The following ARHGAP39 variants were observed in gnomAD, a reference collection of about 807,000 sequenced individuals.
The protein encoded by ARHGAP39 is rho GTPase-activating protein 39.
A neutral mutation model predicts 106.9 loss-of-function variants in ARHGAP39; 44 were observed. The observed-to-expected ratio is 0.41, with a 90% CI of 0.32 to 0.53. The LOEUF (loss-of-function observed/expected upper bound fraction) is 0.53. ARHGAP39 is among the 20% of genes least tolerant of loss of function. The probability of loss-of-function intolerance (pLI) is 0.21; values close to 1 mark genes in which losing one functional copy is unlikely to be tolerated. For synonymous variants in ARHGAP39, 768 were observed against 693.2 expected, an observed-to-expected ratio of 1.11 and a Z score of -1.69; for missense variants, 1,496 against 1,577.3, an observed-to-expected ratio of 0.95 and a Z score of 0.87.
At chr8:144,617,594 A>G (rs565579101) in intron 1 of ARHGAP39, among the ~76,000 whole-genome samples, 2 of 152,234 alleles carry the variant, frequency 1.3e-5, no homozygotes, top group South Asian at 4.1e-4. Context: ...ACAAAAAAAA[A>G]AAAAAAAGGC....
At chr8:144,657,245 T>C (rs1821719637) in intron 1 of ARHGAP39, among the ~76,000 whole-genome samples, 1 of 149,162 alleles carries the variant, frequency 6.7e-6, no homozygotes, top group Admixed American at 6.7e-5. Flanking sequence ...TAAAACAATA[T>C]TAATAAAAGA....
At chr8:144,699,788 A>C in the ARHGAP39 span, among the ~76,000 whole-genome samples, 52 of 152,134 alleles carry the variant, frequency 3.4e-4, no homozygotes, top group African/African-American at 1.2e-3. Context: ...AAATCCATCA[A>C]GGTCCTCTGT....
chr8:144,648,326 A>T (rs1821493901), intron 1 of ARHGAP39, among the ~76,000 whole-genome samples: 1 of 152,242 alleles, frequency 6.6e-6, no homozygotes, highest in African/African-American at 2.4e-5. Context: ...ACCAGGAGAG[A>T]GGATCATATA....
intron 1 of ARHGAP39, among the ~76,000 whole-genome samples, chr8:144,620,567 G>A (rs1376280688): frequency 1.3e-5 from 2 of 152,216 alleles, no homozygotes; most frequent in African/African-American, 2.4e-5. Context: ...GTGAGCTTGT[G>A]TGTCCATGAG....
chr8:144,588,695 T>A (rs1819273438), intron 2 of ARHGAP39, among the ~76,000 whole-genome samples: 1 of 152,108 alleles, frequency 6.6e-6, no homozygotes, highest in South Asian at 2.1e-4. Flanking sequence ...CCAGCGAGGG[T>A]CAGACTCACA....
intron 1 of ARHGAP39, among the ~76,000 whole-genome samples, chr8:144,628,142 C>T (rs984649958): frequency 1.3e-5 from 2 of 152,164 alleles, no homozygotes; most frequent in Admixed American, 6.5e-5. Flanking sequence ...GATGTTGGCC[C>T]CACACAGAGA....
intron 4 of ARHGAP39, among the ~76,000 whole-genome samples, chr8:144,549,454 T>C (rs1817613355): frequency 6.6e-6 from 1 of 152,262 alleles, no homozygotes; most frequent in Non-Finnish European, 1.5e-5. Flanking sequence ...TCTTCTCTTC[T>C]GGAAATCTAA....
intron 1 of ARHGAP39, among the ~76,000 whole-genome samples, chr8:144,680,535 T>C (rs922221601): frequency 2.6e-5 from 4 of 152,164 alleles, no homozygotes; most frequent in African/African-American, 9.7e-5. Flanking sequence ...CGTAGCAGAT[T>C]TTTTCTTTTT....
chr8:144,653,201 C>G (rs1821615819), intron 1 of ARHGAP39, among the ~76,000 whole-genome samples: 1 of 152,124 alleles, frequency 6.6e-6, no homozygotes, highest in Non-Finnish European at 1.5e-5. Context: ...GAGACTGAGG[C>G]AGGAATCCAC....
rs544959283 is a variant in ARHGAP39, at chr8:144,641,637, G to A, written c.-81-35942C>T. The stretch of plus-strand genomic sequence containing the variant: ...TTAGACTCAGCCTCTGTCGGCCTCC[G>A]CCAAAAGCAGAGCCTGAGACGAGGA... On this transcript the variant is annotated intron_variant, in intron 1 of 11. Coordinates refer to ENST00000377307, the MANE Select transcript of ARHGAP39 (RefSeq NM_025251.3). This position sits in a 1 kb window ranked among gnomAD's most constrained non-coding sequence, Gnocchi z 5.2. 5.5e-4 allele frequency among the ~76,000 whole-genome samples: 84 copies of A among 152,320 alleles called. No individual in the cohort carries two copies. In the South Asian group the frequency reaches 0.013, roughly 24 times the overall value.
At chr8:144,612,791 T>C (rs1820526814) in intron 1 of ARHGAP39, among the ~76,000 whole-genome samples, 1 of 151,890 alleles carries the variant, frequency 6.6e-6, no homozygotes, top group Non-Finnish European at 1.5e-5. Flanking sequence ...GGGGATAGAG[T>C]GAAGTGAGCC....
chr8:144,595,859 C>A (rs1250566127), intron 2 of ARHGAP39, among the ~76,000 whole-genome samples: 1 of 152,188 alleles, frequency 6.6e-6, no homozygotes, highest in Admixed American at 6.5e-5. Flanking sequence ...TCCCTCCCGC[C>A]GCGCCGCCAT....
At chr8:144,616,079 G>A (rs1291250440) in intron 1 of ARHGAP39, among the ~76,000 whole-genome samples, 1 of 152,242 alleles carries the variant, frequency 6.6e-6, no homozygotes, top group Non-Finnish European at 1.5e-5. Flanking sequence ...CCACCTGGAT[G>A]CGCAGAAAAA....
intron 1 of ARHGAP39, among the ~76,000 whole-genome samples, chr8:144,681,258 C>T (rs1443765759): frequency 6.6e-6 from 1 of 152,240 alleles, no homozygotes; most frequent in Non-Finnish European, 1.5e-5. Context: ...AAGGATTTCA[C>T]TTGTTGAAGC....
At chr8:144,606,917 A>C (rs1820312260) in intron 1 of ARHGAP39, among the ~76,000 whole-genome samples, 1 of 152,180 alleles carries the variant, frequency 6.6e-6, no homozygotes, top group Non-Finnish European at 1.5e-5. Context: ...GACACACACA[A>C]AAAACAATGC....
rs1238914334 is a variant in ARHGAP39, at chr8:144,671,562, C to T, written c.-82+14124G>A. ...TCTCGCCAACACTCCAGTCACAGAG[C>T]TGCCGGCTCCGGCCACACATCCCTC... On this transcript the variant is annotated intron_variant, in intron 1 of 11. Transcript: ENST00000377307. This position sits in a 1 kb window ranked among gnomAD's most constrained non-coding sequence, Gnocchi z 4.5. Among the ~76,000 whole-genome samples, 1 of 152,244 alleles carries T rather than the reference C, an allele frequency of 6.6e-6. No individual in the cohort carries two copies. The highest frequency in any genetic ancestry group is 2.4e-5 in the African/African-American group (1 of 41,468).
chr8:144,564,647 A>G (rs1818324621), intron 3 of ARHGAP39, among the ~76,000 whole-genome samples: 1 of 152,148 alleles, frequency 6.6e-6, no homozygotes, highest in South Asian at 2.1e-4. Flanking sequence ...AAAGAACCCA[A>G]TCAAAGTTCT....
intron 2 of ARHGAP39, among the ~76,000 whole-genome samples, chr8:144,603,333 G>A (rs1198417394): frequency 6.6e-6 from 1 of 151,946 alleles, no homozygotes; most frequent in Non-Finnish European, 1.5e-5. Flanking sequence ...ACCTGCATGT[G>A]TGGAGGCATG....
rs1181679982 is a variant in ARHGAP39 at position 144,661,450 on chromosome 8, C to T, written c.-82+24236G>A. Among the ~76,000 whole-genome samples the T allele has an allele frequency of 2.0e-5, 3 of 152,314 alleles. No individual in the cohort carries two copies. In the East Asian group the frequency reaches 5.8e-4, roughly 29 times the overall value. ...TCAACTCTCTTGGGCCCATGCTTAC[C>T]TGGCAAACACCTGTGGTTAACCCAG... On this transcript the variant is annotated intron_variant, in intron 1 of 11. Coordinates refer to ENST00000377307, the MANE Select transcript of ARHGAP39 (RefSeq NM_025251.3).
Sources: gnomAD v4.1 joint callset for allele counts (sites outside exome capture counted in the v4.1 genomes callset) on GRCh38, gnomAD v4.1.1 for gene constraint, Gnocchi (gnomAD v3.1) non-coding constraint, MANE v1.5 for transcripts, NCBI Gene and HGNC (gene_info 2026-07-23, HGNC 2026-07-21) for gene names.